ARHGEF3: variants seen among roughly 807,000 people sequenced by gnomAD.
ARHGEF3 encodes the protein 59.8 kDA protein.
A neutral mutation model predicts 63.2 loss-of-function variants in ARHGEF3; 28 were observed. The observed-to-expected ratio is 0.44, with a 90% CI of 0.33 to 0.61. ARHGEF3 has a LOEUF of 0.61. Among genes scored for constraint, ARHGEF3 ranks in the 20% least tolerant of loss-of-function variants. The pLI is 0.03. For synonymous variants in ARHGEF3, 266 were observed against 254.2 expected, an observed-to-expected ratio of 1.05 and a Z score of -0.44; for missense variants, 533 against 659.3, an observed-to-expected ratio of 0.81 and a Z score of 2.10.
chr3:56,944,045 G>A lies in ARHGEF3; in HGVS notation c.129+14778C>T, dbSNP rs1578905110. On this transcript the variant is annotated intron_variant, in intron 3 of 12. Transcript: ENST00000338458. ...ACTAAAATTAGCCAGGCATGATGGC[G>A]GGCGCCTATAATCCCAGCTACTCGG... 3.3e-5 allele frequency among the ~76,000 whole-genome samples: 5 copies of A among 152,096 alleles called. No individual in the cohort carries two copies. In the South Asian group the frequency reaches 8.3e-4, roughly 25 times the overall value.
rs571508778 is a variant in ARHGEF3 at position 57,002,225 on chromosome 3, A to T, written c.62+32863T>A. Among the ~76,000 whole-genome samples the T allele has an allele frequency of 1.3e-3, 204 of 151,210 alleles. 1 individual carries two copies. The highest frequency in any genetic ancestry group is 4.5e-3 in the African/African-American group (185 of 41,302). ...CGGGCCCGGCTGACATAGTATTTTT[A>T]AAAAAACTTTTACTATAAGGATGAA... On this transcript the variant is annotated intron_variant, in intron 2 of 12. Transcript: ENST00000338458.
intron 2 of ARHGEF3, among the ~76,000 whole-genome samples, chr3:57,018,623 T>C (rs1342798615): frequency 6.6e-6 from 1 of 152,212 alleles, no homozygotes; most frequent in Admixed American, 6.5e-5. Flanking sequence ...TTTATAATGA[T>C]TAAAGTTATG....
intron 1 of ARHGEF3, among the ~76,000 whole-genome samples, chr3:57,052,481 G>C (rs1055124062): frequency 2.0e-5 from 3 of 152,004 alleles, no homozygotes; most frequent in Non-Finnish European, 4.4e-5. Flanking sequence ...ATTTTTAGTA[G>C]AGACAGGGTT....
At chr3:56,806,513 G>A (rs887638371), upstream of ARHGEF3, among the ~76,000 whole-genome samples, 5 of 152,216 alleles carry the variant, frequency 3.3e-5, no homozygotes, top group East Asian at 3.9e-4. Flanking sequence ...CTTCACAGCC[G>A]GGCAGTGTTC....
chr3:56,755,128 C>G lies in ARHGEF3; in HGVS notation c.228G>C (p.Glu76Asp), dbSNP rs202114894. 1 of 1,613,772 alleles carries G rather than the reference C, an allele frequency of 6.2e-7. No homozygotes were observed. The highest frequency in any genetic ancestry group is 8.5e-7 in the Non-Finnish European group (1 of 1,180,018). Residue 76 changes from glutamate to aspartate, a missense_variant, in exon 3 of 10, where the codon GAG becomes GAC. Coordinates refer to ENST00000296315, the MANE Select transcript of ARHGEF3 (RefSeq NM_019555.3). ...TLQRSISFRS[E>D]SRPDILAPRP... ...GGGGGGCGAGGATGTCAGGGCGGCT[C>G]TCACTGCGGAAGCTAATGGAGCGCT...
chr3:57,024,518 C>T (rs142919430), intron 2 of ARHGEF3, among the ~76,000 whole-genome samples: 25,808 of 151,862 alleles, frequency 0.17, 2,573 homozygotes, highest in East Asian at 0.4. Flanking sequence ...GACGGAATCT[C>T]GCTCTGTCGC....
intron 3 of ARHGEF3, among the ~76,000 whole-genome samples, chr3:56,907,871 T>C (rs1234284904): frequency 1.3e-5 from 2 of 151,694 alleles, no homozygotes; most frequent in African/African-American, 2.4e-5. Context: ...TATCAGAGGG[T>C]GGAGGGTGGG....
intron 2 of ARHGEF3, among the ~76,000 whole-genome samples, chr3:56,966,630 G>C (rs1700506626): frequency 6.6e-6 from 1 of 152,106 alleles, no homozygotes; most frequent in South Asian, 2.1e-4. Flanking sequence ...GTGACATGAT[G>C]AGATTTGCCT....
At chr3:57,066,762 T>C (rs753305111) in intron 1 of ARHGEF3, among the ~76,000 whole-genome samples, 2 of 152,234 alleles carry the variant, frequency 1.3e-5, no homozygotes, top group Admixed American at 6.5e-5. Flanking sequence ...TTCTCCATGA[T>C]GTGGTGGGCT....
At chr3:56,757,007 C>T (rs1479169996) in intron 2 of ARHGEF3, among the ~76,000 whole-genome samples, 1 of 152,214 alleles carries the variant, frequency 6.6e-6, no homozygotes, top group African/African-American at 2.4e-5. Context: ...TGGTCACCTG[C>T]TCTTAACTAG....
Position 57,073,590 on chromosome 3 carries a change from C to T in ARHGEF3, c.-28+5636G>A, listed in dbSNP as rs946884822. The T allele has an allele frequency of 2.1e-6, 3 of 1,460,546 alleles. No individual in the cohort carries two copies. In the South Asian group the frequency reaches 4.4e-5, roughly 21 times the overall value. 90.5% of individuals were successfully genotyped at this position (1,460,546 alleles called of 1,614,324 possible). On this transcript the variant is annotated intron_variant, in intron 1 of 12. Transcript: ENST00000338458. ...TGGCTGAAGGTGAATTGGAACAGTG[C>T]ACTCAGAGCCAGGTTGCAAGAGTGC...
chr3:56,986,997 A>T (rs3901283), intron 2 of ARHGEF3, among the ~76,000 whole-genome samples: 1 of 151,940 alleles, frequency 6.6e-6, no homozygotes, highest in Non-Finnish European at 1.5e-5. Context: ...GGATCACATG[A>T]GGCCAGGAGT....
intron 3 of ARHGEF3, among the ~76,000 whole-genome samples, chr3:56,934,836 G>A (rs116903637): frequency 6.6e-6 from 1 of 152,184 alleles, no homozygotes. Context: ...ACCACCCAAG[G>A]GCTGAGGAGC....
chr3:56,773,083 C>T (rs556638594), intron 2 of ARHGEF3, among the ~76,000 whole-genome samples: 1 of 152,082 alleles, frequency 6.6e-6, no homozygotes, highest in Non-Finnish European at 1.5e-5. Flanking sequence ...GCTTTGTGGG[C>T]AATATGGTCT....
chr3:56,747,064 C>CAGAGAGAGAGAGAGAGAGAGAGAGAGAG (rs5849167), intron 6 of ARHGEF3, among the ~76,000 whole-genome samples: 1 of 148,166 alleles, frequency 6.7e-6, no homozygotes, highest in African/African-American at 2.5e-5. Context: ...CACACACACA[C>CAGAGAGAGAGAGAGAGAGAGAGAGAGAG]AGAGAGAGAG....
intron 4 of ARHGEF3, among the ~76,000 whole-genome samples, chr3:56,862,732 T>C (rs72867801): frequency 0.031 from 4,732 of 152,280 alleles, 90 homozygotes; most frequent in South Asian, 0.052. Context: ...CATTGGAAAA[T>C]GTTTGTGGTT....
intron 2 of ARHGEF3, among the ~76,000 whole-genome samples, chr3:57,010,626 T>C (rs555545311): frequency 6.6e-6 from 1 of 152,132 alleles, no homozygotes; most frequent in Non-Finnish European, 1.5e-5. Flanking sequence ...ATTTTGACTA[T>C]CTATAACCTG....
intron 2 of ARHGEF3, among the ~76,000 whole-genome samples, chr3:57,015,554 C>G (rs1282856951): frequency 7.2e-6 from 1 of 138,960 alleles, no homozygotes; most frequent in African/African-American, 2.5e-5. Flanking sequence ...CCGCCTCAGC[C>G]TCCTGGGTAG....
intron 4 of ARHGEF3, among the ~76,000 whole-genome samples, chr3:56,821,007 A>G (rs2038467746): frequency 6.6e-6 from 1 of 151,644 alleles, no homozygotes; most frequent in Non-Finnish European, 1.5e-5. Flanking sequence ...AAAAAAATAC[A>G]AAACATTAGC....
Sources: allele counts gnomAD v4.1 joint callset (sites outside exome capture counted in the v4.1 genomes callset), GRCh38; gene constraint gnomAD v4.1.1; transcripts MANE v1.5; gene names NCBI Gene and HGNC (gene_info 2026-07-23, HGNC 2026-07-21).